The following KMT2C variants were observed in gnomAD, a reference collection of about 807,000 sequenced individuals.
The protein encoded by KMT2C is histone-lysine N-methyltransferase 2C.
A neutral mutation model predicts 507.9 loss-of-function variants in KMT2C; 88 were observed. That is an observed-to-expected ratio of 0.17 (90% CI 0.15 to 0.21). KMT2C has a LOEUF of 0.21. Among genes scored for constraint, KMT2C ranks in the 10% least tolerant of loss-of-function variants. The pLI, the probability that KMT2C is intolerant of heterozygous loss-of-function variation, is 1.00. For synonymous variants in KMT2C, 2,049 were observed against 2,080.8 expected (o/e 0.98, Z 0.42); for missense variants, 4,954 against 5,957.8 (o/e 0.83, Z 5.55).
chr7:152,224,575 C>T lies in KMT2C; in HGVS notation c.3018G>A (p.Glu1006=), dbSNP rs2094871533. ...TCCCACAGGCCTCACACACAGTGCA[C>T]TCAAGACACCTCCAACCTTTGCTAA... ...VVLSKGWRCL[E]CTVCEACGKA... The change falls in exon 19 of 59, where the codon GAG becomes GAA. Residue 1006 remains glutamate, a synonymous_variant. Transcript: ENST00000262189. 1.3e-6 allele frequency: 2 copies of T among 1,599,698 alleles called. No homozygotes were observed. Among genetic ancestry groups the T allele is most frequent in the Non-Finnish European group, 8.6e-7 (1 of 1,169,032 alleles).
Position 152,144,937 on chromosome 7 carries a change from C to A in KMT2C, c.14175-56G>T. ...AATACAAGGAAAACTGAAGATACCT[C>A]TGAGTAATGCCCAAAACCAGGTTAA... On this transcript the variant is annotated intron_variant, in intron 54 of 58. Transcript: ENST00000262189. This position sits in a 1 kb window ranked among gnomAD's most constrained non-coding sequence, Gnocchi z 4.4. The A allele has an allele frequency of 6.6e-7, 1 of 1,522,988 alleles. No homozygotes were observed. The highest frequency in any genetic ancestry group is 1.2e-5 in the South Asian group (1 of 81,244). 94.3% of individuals were successfully genotyped at this position (1,522,988 alleles called of 1,614,324 possible). A position where few individuals can be genotyped will look rare whatever the true frequency, so the allele number is the denominator to read the frequency against.
At chr7:152,359,394 T>C (rs1315521164) in intron 1 of KMT2C, among the ~76,000 whole-genome samples, 1 of 152,046 alleles carries the variant, frequency 6.6e-6, no homozygotes, top group Admixed American at 6.6e-5. Flanking sequence ...AACAAGATAT[T>C]ACACATAAAA....
intron 1 of KMT2C, among the ~76,000 whole-genome samples, chr7:152,375,731 G>T (rs1021916748): frequency 6.6e-6 from 1 of 152,024 alleles, no homozygotes; most frequent in African/African-American, 2.4e-5. Flanking sequence ...CACTCACTTT[G>T]TGTCTCTGTG....
chr7:152,417,004 G>C (rs2097744689), intron 1 of KMT2C, among the ~76,000 whole-genome samples: 1 of 133,682 alleles, frequency 7.5e-6, no homozygotes, highest in Admixed American at 8.2e-5. Context: ...AGCCGAGATG[G>C]CACCACTGCA....
At chr7:152,410,238 C>T (rs1289513867) in intron 1 of KMT2C, among the ~76,000 whole-genome samples, 3 of 152,388 alleles carry the variant, frequency 2.0e-5, no homozygotes, top group Middle Eastern at 3.4e-3. Flanking sequence ...GGTGAAACCC[C>T]GTCTCTACTA....
Position 152,149,130 on chromosome 7 carries a change from T to A in KMT2C, c.12797A>T (p.Gln4266Leu). 9 of 1,464,188 alleles carry A rather than the reference T, an allele frequency of 6.1e-6. No homozygotes were observed. The highest frequency in any genetic ancestry group is 8.1e-6 in the Non-Finnish European group (9 of 1,108,856). The allele number at this position is 1,464,188 out of a possible 1,614,324, so 90.7% of individuals were successfully genotyped here. A position where few individuals can be genotyped will look rare whatever the true frequency, so the allele number is the denominator to read the frequency against. The change falls in exon 52 of 59, where the codon CAA becomes CTA. Residue 4266 changes from glutamine (Q) to leucine (L), a missense_variant. This residue lies in a region of KMT2C where 417 missense variants were observed against 461.1 expected (regional missense o/e 0.90). Transcript: ENST00000262189. ...ENKESIPSLP[Q>L]SPMRETPSKA... is the part of the protein sequence containing the mutation. The stretch of plus-strand genomic sequence containing the variant: ...GGAAGGCGTTTCTCTCATAGGTGAT[T>A]GTGGCAATGAAGGAATGGATTCCTG...
intron 1 of KMT2C, among the ~76,000 whole-genome samples, chr7:152,362,963 T>A (rs1025453881): frequency 6.6e-6 from 1 of 152,220 alleles, no homozygotes; most frequent in Admixed American, 6.5e-5. Flanking sequence ...TGACATCATG[T>A]CATTTTCGAA....
At chr7:152,353,057 C>T (rs898978803) in intron 2 of KMT2C, among the ~76,000 whole-genome samples, 1 of 152,126 alleles carries the variant, frequency 6.6e-6, no homozygotes, top group African/African-American at 2.4e-5. Flanking sequence ...AAGTAACTAG[C>T]ACTTCACTCA....
rs2129097672 is a variant in KMT2C at position 152,152,881 on chromosome 7, C to T, written c.12350G>A (p.Ser4117Asn). 6.2e-7 allele frequency: 1 copy of T among 1,614,184 alleles called. No individual in the cohort carries two copies. The highest frequency in any genetic ancestry group is 8.5e-7 in the Non-Finnish European group (1 of 1,180,024). The change falls in exon 49 of 59, where the codon AGT becomes AAT. Residue 4117 changes from serine (S) to asparagine (N), a missense_variant. Around this residue, in one of 29 missense-constraint regions of KMT2C, gnomAD observed 417 missense variants for 461.1 expected, o/e 0.90. Coordinates refer to ENST00000262189, the MANE Select transcript of KMT2C (RefSeq NM_170606.3). ...ACCCATGGATGGGACATCTGGAGCA[C>T]TGCTAACCTCATAGCTGTTAGGGAT... ...VRIPNSYEVS[S>N]APDVPSMGLV...
Position 152,163,674 on chromosome 7 carries a change from T to C in KMT2C, c.9903A>G (p.Gln3301=). 4 of 1,613,742 alleles carry C rather than the reference T, an allele frequency of 2.5e-6. No homozygotes were observed. The highest frequency in any genetic ancestry group is 1.1e-5 in the South Asian group (1 of 91,012). The change falls in exon 43 of 59, where the codon CAA becomes CAG. Residue 3301 remains glutamine, a synonymous_variant. Transcript: ENST00000262189. ...GCTGTGGCACCATGGGAAAGGTGGG[T>C]TGGCTCATGGTGGGTGGAGTGGCAC... ...IPGATPPTMS[Q]PTFPMVPQQL...
intron 9 of KMT2C, 110 bp from the exon 10 acceptor site, chr7:152,252,825 C>T (rs962842604): frequency 2.9e-5 from 22 of 756,542 alleles, no homozygotes; most frequent in Non-Finnish European, 4.3e-5. Flanking sequence ...ATACATTAAG[C>T]TTTTATTTTC....
At chr7:152,252,155 G>A (rs1417821409) in intron 10 of KMT2C, 65 bp from the exon 11 acceptor site, 2 of 1,186,420 alleles carry the variant, frequency 1.7e-6, no homozygotes, top group East Asian at 2.5e-5. Flanking sequence ...GTAAAGAGAA[G>A]GCATTGCTGA....
chr7:152,377,847 T>C (rs1049221074), intron 1 of KMT2C, among the ~76,000 whole-genome samples: 1 of 151,824 alleles, frequency 6.6e-6, no homozygotes, highest in African/African-American at 2.4e-5. Context: ...TCATAATTCA[T>C]GAGAGGAAGT....
At chr7:152,183,803 G>A (rs1473070215) in intron 34 of KMT2C, among the ~76,000 whole-genome samples, 1 of 152,182 alleles carries the variant, frequency 6.6e-6, no homozygotes, top group Non-Finnish European at 1.5e-5. Context: ...GGCTGAGGCA[G>A]GAGAATCACT....
At chr7:152,195,121 C>T (rs2093924563) in intron 28 of KMT2C, among the ~76,000 whole-genome samples, 1 of 152,068 alleles carries the variant, frequency 6.6e-6, no homozygotes, top group Non-Finnish European at 1.5e-5. Flanking sequence ...TTGTAACATG[C>T]TGCAGCTCAA....
chr7:152,235,207 G>GTGTATATATATATATATATA (rs1554561903), intron 16 of KMT2C, among the ~76,000 whole-genome samples: 2 of 142,424 alleles, frequency 1.4e-5, no homozygotes, highest in African/African-American at 5.5e-5. Context: ...TTTCAAGGGT[G>GTGTATATATATATATATATA]TATATATATA....
chr7:152,261,186 G>T (rs1311968944), intron 9 of KMT2C, among the ~76,000 whole-genome samples: 6 of 152,266 alleles, frequency 3.9e-5, no homozygotes, highest in African/African-American at 1.2e-4. Context: ...AACACCCTAC[G>T]TGGCCATAGT....
intron 1 of KMT2C, among the ~76,000 whole-genome samples, chr7:152,409,418 T>TA (rs1401383159): frequency 6.6e-6 from 1 of 152,000 alleles, no homozygotes; most frequent in Non-Finnish European, 1.5e-5. Flanking sequence ...AGAAATATGT[T>TA]AAAATGCTGG....
intron 1 of KMT2C, among the ~76,000 whole-genome samples, chr7:152,407,671 CAA>C (rs11440446): frequency 0.078 from 8,903 of 114,790 alleles, no homozygotes; most frequent in African/African-American, 0.17. Flanking sequence ...GACTCTGTCT[CAA>C]AAAAAAAAAA....
Sources: gnomAD v4.1 joint callset for allele counts (sites outside exome capture counted in the v4.1 genomes callset) on GRCh38, gnomAD v4.1.1 for gene constraint, gnomAD v4.1.1 regional missense constraint, Gnocchi (gnomAD v3.1) non-coding constraint, MANE v1.5 for transcripts, NCBI Gene and HGNC (gene_info 2026-07-23, HGNC 2026-07-21) for gene names.